The following EXOC4 variants were observed in gnomAD, a reference collection of about 807,000 sequenced individuals.
EXOC4 encodes SEC8-like 1.
In EXOC4, 71 loss-of-function variants were observed where a neutral mutation model predicts 107.2. That is an observed-to-expected ratio of 0.66 (90% CI 0.55 to 0.81). The LOEUF (loss-of-function observed/expected upper bound fraction) is 0.81, where lower values mean the gene tolerates loss of function less well. Ranked by LOEUF, EXOC4 falls within the 30% of genes least tolerant of loss-of-function variation. EXOC4 has a pLI of 0.00. For missense variants in EXOC4, 1,108 were observed against 1,189.6 expected (o/e 0.93, Z 1.01); for synonymous variants, 456 against 441.2 (o/e 1.03, Z -0.42).
intron 12 of EXOC4, among the ~76,000 whole-genome samples, chr7:133,907,317 G>A (rs1799588055): frequency 6.6e-6 from 1 of 151,988 alleles, no homozygotes; most frequent in South Asian, 2.1e-4. Context: ...CCATTGTATT[G>A]TAATTTAGAC....
intron 7 of EXOC4, chr7:133,447,184 A>G (rs560112022): frequency 8.5e-5 from 13 of 152,330 alleles, no homozygotes; most frequent in Middle Eastern, 3.4e-3. Context: ...AGTATGTTCT[A>G]TAAAATACAT....
intron 9 of EXOC4, among the ~76,000 whole-genome samples, chr7:133,523,549 G>A (rs1327260590): frequency 3.3e-5 from 5 of 151,028 alleles, no homozygotes; most frequent in Admixed American, 1.3e-4. Flanking sequence ...CCACTAACTC[G>A]TCATCTAGCA....
At chr7:133,735,540 A>G (rs756611718) in intron 10 of EXOC4, among the ~76,000 whole-genome samples, 4 of 152,120 alleles carry the variant, frequency 2.6e-5, no homozygotes, top group Non-Finnish European at 5.9e-5. Flanking sequence ...TTTTGGAGAT[A>G]TGATAGTCCT....
At chr7:133,961,647 G>A (rs1800948402) in intron 14 of EXOC4, among the ~76,000 whole-genome samples, 1 of 152,230 alleles carries the variant, frequency 6.6e-6, no homozygotes, top group Middle Eastern at 3.4e-3. Context: ...GTTGTTTTAA[G>A]CCATAAGGTA....
the EXOC4 span, among the ~76,000 whole-genome samples, chr7:134,100,343 T>C: frequency 5.2e-4 from 43 of 82,540 alleles, 1 homozygote; most frequent in African/African-American, 1.5e-3. Flanking sequence ...ACCAACAACC[T>C]GATTTTGAAC....
At chr7:133,664,685 C>A (rs1428824445) in intron 10 of EXOC4, among the ~76,000 whole-genome samples, 2 of 152,156 alleles carry the variant, frequency 1.3e-5, no homozygotes, top group African/African-American at 4.8e-5. Context: ...TTAGCCTCTG[C>A]TGCATTAGCT....
intron 12 of EXOC4, 22 bp from the exon 13 acceptor site, chr7:133,917,561 C>T (rs746655550): frequency 6.2e-7 from 1 of 1,610,968 alleles, no homozygotes; most frequent in Admixed American, 1.7e-5. Flanking sequence ...TACAGTGTCT[C>T]TTTTCTATTG....
the EXOC4 span, among the ~76,000 whole-genome samples, chr7:134,074,742 C>T: frequency 7.2e-5 from 11 of 152,168 alleles, no homozygotes; most frequent in Admixed American, 6.5e-4. Context: ...GTCCTGCCTT[C>T]AAAGACATGA....
chr7:133,516,239 G>A (rs913404350), intron 9 of EXOC4, among the ~76,000 whole-genome samples: 3 of 152,144 alleles, frequency 2.0e-5, no homozygotes, highest in African/African-American at 7.2e-5. Context: ...CATTTCATAT[G>A]TATAATTTAG....
chr7:133,527,004 A>G (rs1300786182), intron 9 of EXOC4, among the ~76,000 whole-genome samples: 1 of 152,084 alleles, frequency 6.6e-6, no homozygotes, highest in Non-Finnish European at 1.5e-5. Flanking sequence ...CAAGAAGTAG[A>G]TATAGATGAT....
At chr7:133,897,432 C>G (rs1438232660) in intron 12 of EXOC4, among the ~76,000 whole-genome samples, 2 of 151,746 alleles carry the variant, frequency 1.3e-5, no homozygotes, top group Admixed American at 6.6e-5. Context: ...TAAAATTTAG[C>G]CTTGTGGTAA....
At chr7:133,494,016 ATT>A (rs1282074858) in intron 9 of EXOC4, among the ~76,000 whole-genome samples, 1 of 152,212 alleles carries the variant, frequency 6.6e-6, no homozygotes, top group Non-Finnish European at 1.5e-5. Flanking sequence ...CAGCCCTTCT[ATT>A]TATGAATTAA....
intron 2 of EXOC4, among the ~76,000 whole-genome samples, chr7:133,281,049 A>AT (rs1794124773): frequency 6.6e-6 from 1 of 152,152 alleles, no homozygotes; most frequent in Non-Finnish European, 1.5e-5. Context: ...AAAGGAAGGT[A>AT]TTGGAAAGTG....
At chr7:133,743,952 A>G (rs1795622444) in intron 10 of EXOC4, among the ~76,000 whole-genome samples, 1 of 152,158 alleles carries the variant, frequency 6.6e-6, no homozygotes, top group Non-Finnish European at 1.5e-5. Flanking sequence ...AACTCTGAGG[A>G]GGAAGGATAG....
intron 10 of EXOC4, among the ~76,000 whole-genome samples, chr7:133,757,747 T>G (rs369225853): frequency 1.7e-4 from 26 of 152,230 alleles, no homozygotes; most frequent in Admixed American, 3.9e-4. Flanking sequence ...CTGAGTGCTA[T>G]TCATATGACA....
intron 6 of EXOC4, among the ~76,000 whole-genome samples, chr7:133,358,472 T>A (rs1357996901): frequency 6.6e-6 from 1 of 152,218 alleles, no homozygotes; most frequent in East Asian, 1.9e-4. Context: ...AAATTCCATG[T>A]TCTATGATCA....
At position 133,997,484 on chromosome 7, in the gene EXOC4, C is replaced by G; in HGVS notation, c.2207-8C>G. 1 of 1,613,276 alleles carries G rather than the reference C, an allele frequency of 6.2e-7. No homozygotes were observed. Among genetic ancestry groups the G allele is most frequent in the East Asian group, 2.2e-5 (1 of 44,850 alleles). The stretch of plus-strand genomic sequence containing the variant: ...TGAAATGATTGGTGTTTTATCCTTA[C>G]CTTTCAGTGCTTTCTCCTGCTCAAG... On this transcript the variant is annotated splice_region_variant and splice_polypyrimidine_tract_variant and intron_variant, in intron 14 of 17. Transcript: ENST00000253861.
chr7:133,436,414 TGAAAC>T (rs1797975538), intron 7 of EXOC4, among the ~76,000 whole-genome samples: 1 of 152,254 alleles, frequency 6.6e-6, no homozygotes, highest in East Asian at 1.9e-4. Context: ...TAATAAATGA[TGAAAC>T]TAACTTCCTT....
intron 10 of EXOC4, among the ~76,000 whole-genome samples, chr7:133,665,891 T>C (rs1793801967): frequency 6.6e-6 from 1 of 152,178 alleles, no homozygotes; most frequent in Non-Finnish European, 1.5e-5. Context: ...AATTTTAGCC[T>C]AAGAACAAAA....
Sources: allele counts gnomAD v4.1 joint callset (sites outside exome capture counted in the v4.1 genomes callset), GRCh38; gene constraint gnomAD v4.1.1; transcripts MANE v1.5; gene names NCBI Gene and HGNC (gene_info 2026-07-23, HGNC 2026-07-21).